The following CHD8 variants were observed in gnomAD, a reference collection of about 807,000 sequenced individuals.
CHD8 encodes chromodomain helicase DNA binding protein 8, also known as ATP-dependent chromatin remodeler CHD8.
In CHD8, 31 loss-of-function variants were observed where a neutral mutation model predicts 279.2. The observed-to-expected ratio is 0.11, with a 90% CI of 0.08 to 0.15. The LOEUF is 0.15. Among genes scored for constraint, CHD8 ranks in the 10% least tolerant of loss-of-function variants. CHD8 has a pLI of 1.00. For missense variants in CHD8, 2,146 were observed against 3,230.5 expected (o/e 0.66, Z 8.14); for synonymous variants, 1,081 against 1,139.6 (o/e 0.95, Z 1.04).
chr14:21,385,736 A>ATCG lies in CHD8; in HGVS notation c.7620_7622dup (p.Asp2541dup), dbSNP rs1167129808. 1 of 1,551,206 alleles carries ATCG rather than the reference A, an allele frequency of 6.4e-7. No homozygotes were observed. Among genetic ancestry groups the ATCG allele is most frequent in the East Asian group, 2.4e-5 (1 of 40,890 alleles). ...AGTCATCATCATCTTCTTCATCCTCATCGTCATCCTCCTCAGGTTGCAGTG... is the reference window on the plus strand; with the variant it reads ...AGTCATCATCATCTTCTTCATCCTCATCGTCGTCATCCTCCTCAGGTTGCAGTG... On this transcript the variant is annotated inframe_insertion, in exon 38 of 38. Coordinates refer to ENST00000646647, the MANE Select transcript of CHD8 (RefSeq NM_001170629.2).
intron 28 of CHD8, 45 bp from the exon 29 acceptor site, chr14:21,395,397 G>T (rs761132070): frequency 7.8e-6 from 11 of 1,417,320 alleles, no homozygotes; most frequent in Admixed American, 3.8e-5. Flanking sequence ...GGGAGGGAAA[G>T]GGGGGGAAGT....
At chr14:21,452,535 T>C (rs1000793998) in intron 1 of CHD8, among the ~76,000 whole-genome samples, 2 of 151,370 alleles carry the variant, frequency 1.3e-5, no homozygotes, top group Non-Finnish European at 2.9e-5. Context: ...CCCCAGCTAC[T>C]TGGGAAGCTA....
In CHD8 at chr14:21,431,587, A is replaced by G. The variant is rs1017670244; in HGVS notation, c.57T>C (p.Ser19=). The G allele has an allele frequency of 9.1e-6, 14 of 1,537,138 alleles. No individual in the cohort carries two copies. Among genetic ancestry groups the G allele is most frequent in the Non-Finnish European group, 9.6e-6 (11 of 1,146,878 alleles). Residue 19 remains serine, a synonymous_variant, in exon 2 of 38, where the codon TCT becomes TCC. Coordinates refer to ENST00000646647, the MANE Select transcript of CHD8 (RefSeq NM_001170629.2). ...CCTGGTTAAAGCTGTCATCAGTCAG[A>G]GAGTCCAGGCCAAATAAATTTGGGT... ...FDDPNLFGLD[S]LTDDSFNQVT...
At chr14:21,443,871 A>C (rs1051787621) in intron 1 of CHD8, among the ~76,000 whole-genome samples, 4 of 151,790 alleles carry the variant, frequency 2.6e-5, no homozygotes, top group Non-Finnish European at 5.9e-5. Flanking sequence ...AAAAAAAAAA[A>C]AAAAAAAACA....
intron 1 of CHD8, among the ~76,000 whole-genome samples, chr14:21,448,586 C>T (rs1475183880): frequency 2.0e-5 from 3 of 151,794 alleles, no homozygotes; most frequent in Admixed American, 1.3e-4. Flanking sequence ...TTTGAGACAC[C>T]GTCTTAGTCA....
At position 21,441,861 on chromosome 14, in the gene CHD8, C is replaced by A. The variant is rs548457215; in HGVS notation, c.-215-10003G>T. Among the ~76,000 whole-genome samples, 265 of 151,580 alleles carry A rather than the reference C, an allele frequency of 1.7e-3. 1 individual carries two copies. The highest frequency in any genetic ancestry group is 3.2e-3 in the Non-Finnish European group (219 of 67,952). On this transcript the variant is annotated intron_variant, in intron 1 of 37. Transcript: ENST00000646647. ...CCAAGATTGCGCCACTGCACTCCAG[C>A]CTGGGTGACAGAGCGAGACTCCACC...
chr14:21,401,943 T>A lies in CHD8; in HGVS notation c.4062+14A>T, dbSNP rs779876258. 1.2e-6 allele frequency: 2 copies of A among 1,600,080 alleles called. No individual in the cohort carries two copies. Among genetic ancestry groups the A allele is most frequent in the African/African-American group, 1.4e-5 (1 of 74,058 alleles). Reference sequence around the variant, plus strand: ...CTCTGTGTTTTTCTAGCCTCTGGCATAGACAGAACATGCCTTAGCAAAGGT... The same window carrying A: ...CTCTGTGTTTTTCTAGCCTCTGGCAAAGACAGAACATGCCTTAGCAAAGGT... On this transcript the variant is annotated intron_variant, in intron 20 of 37. Transcript: ENST00000646647.
At chr14:21,440,391 G>A (rs1299490672) in intron 1 of CHD8, among the ~76,000 whole-genome samples, 1 of 152,104 alleles carries the variant, frequency 6.6e-6, no homozygotes, top group Non-Finnish European at 1.5e-5. Flanking sequence ...ATTTTTAGTA[G>A]AGATGAGGTT....
Position 21,431,470 on chromosome 14 carries a change from C to T in CHD8, c.174G>A (p.Val58=), listed in dbSNP as rs1189735323. ...QMNQDGGGGD[V]GNSSASELVP... ...CCAGTTCACTTGCTGATGAATTCCC[C>T]ACATCACCACCTCCACCATCCTGGT... Residue 58 remains valine (V), a synonymous_variant, in exon 2 of 38, where the codon GTG becomes GTA. Coordinates refer to ENST00000646647, the MANE Select transcript of CHD8 (RefSeq NM_001170629.2). The T allele has an allele frequency of 1.3e-6, 2 of 1,536,728 alleles. No individual in the cohort carries two copies. The highest frequency in any genetic ancestry group is 1.7e-6 in the Non-Finnish European group (2 of 1,146,638).
intron 34 of CHD8, 40 bp downstream of exon 34, chr14:21,392,467 C>A: frequency 6.4e-7 from 1 of 1,567,052 alleles, no homozygotes; most frequent in Non-Finnish European, 8.7e-7. Context: ...AGGATTCCAG[C>A]CTCCTTCCCC....
In CHD8 at chr14:21,408,849, A is replaced by C. The variant is rs1188719903; in HGVS notation, c.2365-24T>G. 6.3e-7 allele frequency: 1 copy of C among 1,594,468 alleles called. No homozygotes were observed. The highest frequency in any genetic ancestry group is 1.1e-5 in the South Asian group (1 of 87,894). ...TTCTAAAAAACAAGACGTTTGAATA[A>C]ATGGAGTGGAGACATTATCAAAAGG... On this transcript the variant is annotated intron_variant, in intron 11 of 37. Transcript: ENST00000646647. The surrounding 1 kb of genome is among the most constrained non-coding windows in gnomAD (Gnocchi z 4.3).
At chr14:21,452,776 G>C (rs891966547) in intron 1 of CHD8, among the ~76,000 whole-genome samples, 23 of 152,014 alleles carry the variant, frequency 1.5e-4, no homozygotes, top group African/African-American at 5.3e-4. Flanking sequence ...ATGAGGTCAG[G>C]AGTTAAAGAC....
intron 3 of CHD8, among the ~76,000 whole-genome samples, chr14:21,428,558 A>C (rs1889426242): frequency 6.6e-6 from 1 of 152,206 alleles, no homozygotes; most frequent in Admixed American, 6.5e-5. Context: ...TCTCTGGCCT[A>C]ACGGTAAAAA....
At position 21,436,830 on chromosome 14, in the gene CHD8, T is replaced by C. The variant is rs541026608; in HGVS notation, c.-215-4972A>G. The C allele has an allele frequency of 1.4e-4, 61 of 441,714 alleles. 3 individuals are homozygous for C. The highest frequency in any genetic ancestry group is 9.8e-4 in the South Asian group (61 of 62,164). 27.4% of individuals were successfully genotyped at this position (441,714 alleles called of 1,614,324 possible). ...TCATGAAAAAAGGGAAAGGGCGAGGTGAGGAAGTGAGGGGTTGATGGAGAG... is the reference window on the plus strand; with the variant it reads ...TCATGAAAAAAGGGAAAGGGCGAGGCGAGGAAGTGAGGGGTTGATGGAGAG... On this transcript the variant is annotated intron_variant, in intron 1 of 37. Coordinates refer to ENST00000646647, the MANE Select transcript of CHD8 (RefSeq NM_001170629.2).
At chr14:21,435,155 T>C (rs1889728495) in intron 1 of CHD8, among the ~76,000 whole-genome samples, 1 of 152,224 alleles carries the variant, frequency 6.6e-6, no homozygotes, top group Non-Finnish European at 1.5e-5. Flanking sequence ...ACTTAGTCAC[T>C]TTCCATAATT....
chr14:21,386,865 C>T (rs150274651), intron 37 of CHD8, among the ~76,000 whole-genome samples: 16 of 152,128 alleles, frequency 1.1e-4, no homozygotes, highest in African/African-American at 3.6e-4. Flanking sequence ...ACTCGTGTCT[C>T]CTGATGGCAA....
At position 21,431,099 on chromosome 14, in the gene CHD8, C is replaced by T. The variant is rs752375264; in HGVS notation, c.545G>A (p.Gly182Asp). The T allele has an allele frequency of 6.9e-6, 11 of 1,599,110 alleles. No homozygotes were observed. Among genetic ancestry groups the T allele is most frequent in the Middle Eastern group, 1.7e-4 (1 of 6,058 alleles). Residue 182 changes from glycine (G) to aspartate (D), a missense_variant, in exon 2 of 38, where the codon GGT (glycine) becomes GAT (aspartate). By Grantham distance (94) the Gly-to-Asp change is moderately conservative. Around this residue, in one of 26 missense-constraint regions of CHD8, gnomAD observed 302 missense variants for 325.5 expected, o/e 0.93. Transcript: ENST00000646647. Reference protein sequence around the residue: ...GAHVAQIQAQGITSTAQPLVA... With the variant: ...GAHVAQIQAQDITSTAQPLVA... Reference sequence around the variant, plus strand: ...CAGGGGCTGAGCTGTGCTGGTGATACCTTGGGCCTGAATTTGTGCCACATG... The same window carrying T: ...CAGGGGCTGAGCTGTGCTGGTGATATCTTGGGCCTGAATTTGTGCCACATG...
intron 14 of CHD8, among the ~76,000 whole-genome samples, chr14:21,406,471 G>C (rs1452564882): frequency 6.6e-6 from 1 of 152,154 alleles, no homozygotes; most frequent in Non-Finnish European, 1.5e-5. Flanking sequence ...ATAAAAACCA[G>C]CATCAACTGC....
rs908354720 is a variant in CHD8, at chr14:21,409,716, C to T, written c.2364+135G>A. The T allele has an allele frequency of 1.2e-5, 9 of 737,100 alleles. No individual in the cohort carries two copies. In the African/African-American group the frequency reaches 1.4e-4, roughly 12 times the overall value. The allele number at this position is 737,100 out of a possible 1,614,324, so 45.7% of individuals were successfully genotyped here. On this transcript the variant is annotated intron_variant, in intron 11 of 37. Transcript: ENST00000646647. ...ATAATTGTTACGTGGGTGATGGGTACATTATACCATTTCTTCGATTTTTAT... is the reference window on the plus strand; with the variant it reads ...ATAATTGTTACGTGGGTGATGGGTATATTATACCATTTCTTCGATTTTTAT...
Sources: allele counts gnomAD v4.1 joint callset (sites outside exome capture counted in the v4.1 genomes callset), GRCh38; gene constraint gnomAD v4.1.1; regional missense constraint gnomAD v4.1.1; non-coding constraint Gnocchi (gnomAD v3.1); transcripts MANE v1.5; gene names NCBI Gene and HGNC (gene_info 2026-07-23, HGNC 2026-07-21).